NPAS3: variants seen among roughly 807,000 people sequenced by gnomAD.
NPAS3 encodes the protein neuronal PAS domain-containing protein 3.
Under a neutral mutation model 73.1 loss-of-function variants are expected in NPAS3, and 14 were observed. That is an observed-to-expected ratio of 0.19 (90% CI 0.13 to 0.30). NPAS3 has a LOEUF of 0.30. Among genes scored for constraint, NPAS3 ranks in the 10% least tolerant of loss-of-function variants. The pLI is 1.00. For synonymous variants in NPAS3, 620 were observed against 541.5 expected, an observed-to-expected ratio of 1.14 and a Z score of -2.01; for missense variants, 1,096 against 1,250.0, an observed-to-expected ratio of 0.88 and a Z score of 1.86.
chr14:32,961,871 T>C (rs2036935398), intron 1 of NPAS3, among the ~76,000 whole-genome samples: 1 of 152,124 alleles, frequency 6.6e-6, no homozygotes, highest in African/African-American at 2.4e-5. Flanking sequence ...AAATAAAACA[T>C]AAAAGAGTGA....
At chr14:33,773,232 T>C (rs984491702) in intron 7 of NPAS3, among the ~76,000 whole-genome samples, 1 of 152,168 alleles carries the variant, frequency 6.6e-6, no homozygotes, top group Non-Finnish European at 1.5e-5. Flanking sequence ...TCTCAAAAGA[T>C]AGCGTGGCAC....
chr14:33,445,350 C>T lies in NPAS3; in HGVS notation c.468+78082C>T, dbSNP rs761504211. Among the ~76,000 whole-genome samples, 10 of 152,096 alleles carry T rather than the reference C, an allele frequency of 6.6e-5. No individual in the cohort carries two copies. The South Asian group carries it at 8.3e-4, about 13-fold the overall frequency. On this transcript the variant is annotated intron_variant, in intron 4 of 11. Coordinates refer to ENST00000356141, the Ensembl canonical transcript of NPAS3. ...CGTAGCAAAACCTCTGTTATCATTC[C>T]GTCTTTGTGAAACTCACTGTCTTCT...
intron 3 of NPAS3, among the ~76,000 whole-genome samples, chr14:33,290,492 T>A (rs556770274): frequency 6.6e-6 from 1 of 152,304 alleles, no homozygotes; most frequent in East Asian, 1.9e-4. Context: ...TTCAAATATA[T>A]GTGTGAATAA....
chr14:33,623,953 G>T (rs914050072), intron 5 of NPAS3, among the ~76,000 whole-genome samples: 1 of 152,158 alleles, frequency 6.6e-6, no homozygotes, highest in Non-Finnish European at 1.5e-5. Flanking sequence ...CCTCTGCCTA[G>T]AGCACTCTTC....
At chr14:33,141,788 A>G (rs191812470) in intron 2 of NPAS3, among the ~76,000 whole-genome samples, 1 of 152,186 alleles carries the variant, frequency 6.6e-6, no homozygotes, top group Non-Finnish European at 1.5e-5. Context: ...GTGATATGAG[A>G]ATAGAATTGG....
At chr14:33,404,398 C>T (rs1054338306) in intron 4 of NPAS3, among the ~76,000 whole-genome samples, 4 of 152,030 alleles carry the variant, frequency 2.6e-5, no homozygotes, top group African/African-American at 9.7e-5. Flanking sequence ...TAAGATTTCC[C>T]TGATATAGTA....
intron 3 of NPAS3, among the ~76,000 whole-genome samples, chr14:33,254,240 C>A (rs1334167772): frequency 6.6e-6 from 1 of 152,066 alleles, no homozygotes; most frequent in Non-Finnish European, 1.5e-5. Flanking sequence ...GTTTTCCCAG[C>A]CCCATCTGTT....
rs536671452 is a variant in NPAS3 at position 33,536,769 on chromosome 14, A to G, written c.469-23352A>G. On this transcript the variant is annotated intron_variant, in intron 4 of 11. Coordinates refer to ENST00000356141, the Ensembl canonical transcript of NPAS3. Reference sequence around the variant, plus strand: ...GATAACCTTTCATAATAAATAGAAGATGTAGCCAAGTTTTTCTATGTTTAC... The same window carrying G: ...GATAACCTTTCATAATAAATAGAAGGTGTAGCCAAGTTTTTCTATGTTTAC... Among the ~76,000 whole-genome samples the G allele has an allele frequency of 3.8e-4, 58 of 152,316 alleles. 1 individual carries two copies. The highest frequency in any genetic ancestry group is 1.3e-3 in the African/African-American group (56 of 41,578).
At chr14:33,023,989 G>T (rs890196551) in intron 1 of NPAS3, among the ~76,000 whole-genome samples, 1 of 152,104 alleles carries the variant, frequency 6.6e-6, no homozygotes, top group African/African-American at 2.4e-5. Flanking sequence ...TTCATAGTAT[G>T]GATAAATTGA....
chr14:33,653,484 C>A (rs1391168736), intron 5 of NPAS3, among the ~76,000 whole-genome samples: 1 of 152,246 alleles, frequency 6.6e-6, no homozygotes, highest in Non-Finnish European at 1.5e-5. Flanking sequence ...TTTGTGATCT[C>A]ATATTAAATT....
intron 7 of NPAS3, among the ~76,000 whole-genome samples, chr14:33,754,806 C>T (rs2062065471): frequency 6.6e-6 from 1 of 152,134 alleles, no homozygotes; most frequent in Admixed American, 6.5e-5. Flanking sequence ...TGGTGTTTGA[C>T]TATTGTGAGG....
intron 5 of NPAS3, among the ~76,000 whole-genome samples, chr14:33,580,301 A>C (rs939102487): frequency 2.6e-5 from 4 of 152,178 alleles, no homozygotes; most frequent in African/African-American, 9.6e-5. Flanking sequence ...GAAGCTGCCA[A>C]AGGTGTGACG....
At chr14:33,419,046 C>G (rs1244048303) in intron 4 of NPAS3, among the ~76,000 whole-genome samples, 4 of 151,884 alleles carry the variant, frequency 2.6e-5, no homozygotes, top group Non-Finnish European at 4.4e-5. Flanking sequence ...ATATTAAGCA[C>G]CAGCTTAAAC....
chr14:33,678,441 A>G (rs1055471456), intron 6 of NPAS3, among the ~76,000 whole-genome samples: 1 of 151,086 alleles, frequency 6.6e-6, no homozygotes, highest in African/African-American at 2.4e-5. Context: ...TTTCCAGGTC[A>G]AACAGTGCTA....
At chr14:33,160,815 C>G (rs2044848156) in intron 2 of NPAS3, among the ~76,000 whole-genome samples, 1 of 151,926 alleles carries the variant, frequency 6.6e-6, no homozygotes, top group South Asian at 2.1e-4. Flanking sequence ...CTTTGAAGTT[C>G]CGCCATGTGG....
chr14:32,986,058 C>T (rs1373897762), intron 1 of NPAS3, among the ~76,000 whole-genome samples: 3 of 152,164 alleles, frequency 2.0e-5, no homozygotes, highest in Non-Finnish European at 2.9e-5. Context: ...CTGAACTCTC[C>T]GTGCAGGAGA....
In NPAS3 at chr14:33,549,390, G is replaced by C. The variant is rs568608901; in HGVS notation, c.469-10731G>C. On this transcript the variant is annotated intron_variant, in intron 4 of 11. Coordinates refer to ENST00000356141, the Ensembl canonical transcript of NPAS3. ...GGGACCACAGGCATGTGGCACCAGA[G>C]CCGGCTACATTTTTTTGTATTTTTG... is the stretch of plus-strand genomic sequence containing the variant. Among the ~76,000 whole-genome samples the C allele has an allele frequency of 2.6e-5, 4 of 152,190 alleles. No individual in the cohort carries two copies. The South Asian group carries it at 6.2e-4, about 24-fold the overall frequency.
intron 1 of NPAS3, among the ~76,000 whole-genome samples, chr14:32,959,213 T>C (rs1276977910): frequency 1.3e-5 from 2 of 152,232 alleles, no homozygotes; most frequent in Non-Finnish European, 2.9e-5. Flanking sequence ...TGAACTTCTT[T>C]ATTTCTGCCT....
intron 6 of NPAS3, among the ~76,000 whole-genome samples, chr14:33,704,927 A>C (rs539887746): frequency 1.3e-5 from 2 of 152,230 alleles, no homozygotes; most frequent in African/African-American, 2.4e-5. Flanking sequence ...ATGCACCCAC[A>C]CTTGAAAATA....
Sources: gnomAD v4.1 joint callset for allele counts (sites outside exome capture counted in the v4.1 genomes callset) on GRCh38, gnomAD v4.1.1 for gene constraint, MANE v1.5 for transcripts, NCBI Gene and HGNC (gene_info 2026-07-23, HGNC 2026-07-21) for gene names.